Variants in MAP3K15 observed in about 807,000 individuals in gnomAD.
The protein encoded by MAP3K15 is mitogen-activated protein kinase kinase kinase 15.
In MAP3K15, 124 loss-of-function variants were observed where a neutral mutation model predicts 99.5. The observed-to-expected ratio is 1.25, with a 90% confidence interval of 1.08 to 1.45. The LOEUF (loss-of-function observed/expected upper bound fraction) is 1.45, where lower values mean the gene tolerates loss of function less well. Among genes scored for constraint, MAP3K15 ranks in the 40% most tolerant of loss-of-function variants. The pLI is 0.00. For missense variants in MAP3K15, 1,242 were observed against 1,079.7 expected, an observed-to-expected ratio of 1.15 and a Z score of -2.11; for synonymous variants, 494 against 439.6, an observed-to-expected ratio of 1.12 and a Z score of -1.55.
At chrX:19,378,118 G>A (rs995349085) in intron 19 of MAP3K15, among the ~76,000 whole-genome samples, 2 of 112,744 alleles carry the variant, frequency 1.8e-5, no homozygotes, top group African/African-American at 6.4e-5. Context: ...GAAGCAGAGA[G>A]CCTGGCACAG....
At chrX:19,457,543 C>T (rs1417172949) in intron 5 of MAP3K15, among the ~76,000 whole-genome samples, 4 of 111,531 alleles carry the variant, frequency 3.6e-5, no homozygotes, top group Non-Finnish European at 5.6e-5. Context: ...ACCTGAGAGG[C>T]GGAGGTTGCA....
chrX:19,376,308 T>G (rs1165241856), intron 19 of MAP3K15, among the ~76,000 whole-genome samples: 1 of 110,576 alleles, frequency 9.0e-6, no homozygotes, highest in Non-Finnish European at 1.9e-5. Context: ...CTTTGCCTCT[T>G]CTAGCTTCTC....
chrX:19,392,544 AG>A, intron 16 of MAP3K15, 71 bp from the exon 17 acceptor site: 7 of 1,100,331 alleles, frequency 6.4e-6, no homozygotes, highest in Non-Finnish European at 8.6e-6. Context: ...AAATAAAGTG[AG>A]GTGAGGTTTC....
intron 3 of MAP3K15, among the ~76,000 whole-genome samples, chrX:19,486,035 C>G (rs915950869): frequency 5.4e-5 from 6 of 112,049 alleles, no homozygotes; most frequent in Non-Finnish European, 1.1e-4. Context: ...TTCCATCCCA[C>G]TTCTTTTCCG....
intron 7 of MAP3K15, among the ~76,000 whole-genome samples, chrX:19,429,488 A>G (rs2063861172): frequency 9.1e-6 from 1 of 110,252 alleles, no homozygotes. Flanking sequence ...GAGGGTAGAG[A>G]ATAGTAGTAA....
At chrX:19,374,771 TCC>T in intron 19 of MAP3K15, 111 bp from the exon 20 acceptor site, 1 of 667,704 alleles carries the variant, frequency 1.5e-6, no homozygotes, top group Non-Finnish European at 2.2e-6. Flanking sequence ...ACAGGCATAA[TCC>T]ATGCCCCCTT....
At chrX:19,497,011 C>T (rs1337866547) in intron 1 of MAP3K15, 2 of 110,823 alleles carry the variant, frequency 1.8e-5, no homozygotes, top group Non-Finnish European at 3.8e-5. Flanking sequence ...TTTCCTTTTT[C>T]GTAGGTGGTC....
chrX:19,384,749 G>GAAA (rs34619145), intron 18 of MAP3K15, among the ~76,000 whole-genome samples: 25 of 22,538 alleles, frequency 1.1e-3, no homozygotes, highest in South Asian at 3.8e-3. Context: ...TGTCTCAGGG[G>GAAA]AAAAAAAAAA....
chrX:19,401,490 C>T (rs1569211586), intron 13 of MAP3K15, among the ~76,000 whole-genome samples: 1 of 111,798 alleles, frequency 8.9e-6, no homozygotes, highest in Non-Finnish European at 1.9e-5. Context: ...CCGCACCCAG[C>T]CTCTTGTATT....
intron 4 of MAP3K15, among the ~76,000 whole-genome samples, chrX:19,460,733 G>C (rs1425687971): frequency 9.1e-5 from 1 of 10,987 alleles, no homozygotes; most frequent in African/African-American, 8.5e-4. Context: ...ATATTGAATG[G>C]CCAGATGTTC....
intron 3 of MAP3K15, among the ~76,000 whole-genome samples, chrX:19,468,336 T>C (rs933655997): frequency 8.9e-6 from 1 of 112,289 alleles, no homozygotes; most frequent in Non-Finnish European, 1.9e-5. Context: ...TTAAGGACTA[T>C]TCCTGCAAAA....
rs1282972704 is a variant in MAP3K15 at position 19,406,622 on chromosome X, TG to T, written c.1844+565del. 2.2e-4 allele frequency among the ~76,000 whole-genome samples: 25 copies of T among 112,408 alleles called. No individual in the cohort carries two copies. The Admixed American group carries it at 2.4e-3, about 11-fold the overall frequency. On this transcript the variant is annotated intron_variant, in intron 13 of 28. Coordinates refer to ENST00000338883, the MANE Select transcript of MAP3K15 (RefSeq NM_001001671.4). The stretch of plus-strand genomic sequence containing the variant: ...GACTCTATGGATAGTGTGTTTCTTG[TG>T]GGGGTGACGAAAATATTCTAAAACT...
At chrX:19,464,854 T>C (rs997350759) in intron 3 of MAP3K15, among the ~76,000 whole-genome samples, 7 of 111,419 alleles carry the variant, frequency 6.3e-5, no homozygotes, top group Non-Finnish European at 9.4e-5. Flanking sequence ...GGAATAAAAA[T>C]TGTTTTGTAG....
chrX:19,503,304 T>C (rs1435057850), intron 1 of MAP3K15, among the ~76,000 whole-genome samples: 1 of 110,802 alleles, frequency 9.0e-6, no homozygotes, highest in Non-Finnish European at 1.9e-5. Flanking sequence ...AAAACGTATG[T>C]GCTGTATCAG....
intron 1 of MAP3K15, chrX:19,497,032 G>A (rs1030638111): frequency 9.0e-6 from 1 of 111,160 alleles, no homozygotes; most frequent in African/African-American, 3.3e-5. Context: ...CTTTGAGAAG[G>A]GATGTGCAGA....
At chrX:19,457,898 G>A (rs186320335) in intron 5 of MAP3K15, among the ~76,000 whole-genome samples, 5 of 111,663 alleles carry the variant, frequency 4.5e-5, no homozygotes, top group African/African-American at 1.6e-4. Flanking sequence ...CCCCACACAC[G>A]CACTTAGTTT....
intron 7 of MAP3K15, among the ~76,000 whole-genome samples, chrX:19,426,832 A>AAAAAAAAC (rs2063835931): frequency 9.4e-6 from 1 of 106,832 alleles, no homozygotes; most frequent in African/African-American, 3.5e-5. Flanking sequence ...AAAAAAAAAA[A>AAAAAAAAC]AAAAAAAAAA....
intron 5 of MAP3K15, among the ~76,000 whole-genome samples, chrX:19,458,646 C>A (rs1295950875): frequency 9.0e-6 from 1 of 111,707 alleles, no homozygotes; most frequent in Non-Finnish European, 1.9e-5. Context: ...CACCACTGCA[C>A]TCCAGCCTGG....
rs752809287 is a variant in MAP3K15, at chrX:19,409,906, T to G, written c.1748+18A>C. ...ATTTGCATTAAAATAGTAACTCCAT[T>G]TTCTCCTATGTTCTTACCTTATTCC... On this transcript the variant is annotated intron_variant, in intron 12 of 28. Transcript: ENST00000338883. 3 of 1,158,947 alleles carry G rather than the reference T, an allele frequency of 2.6e-6. No homozygotes were observed.
Sources: gnomAD v4.1 joint callset for allele counts (sites outside exome capture counted in the v4.1 genomes callset) on GRCh38, gnomAD v4.1.1 for gene constraint, MANE v1.5 for transcripts, NCBI Gene and HGNC (gene_info 2026-07-23, HGNC 2026-07-21) for gene names.